Variants in AP3D1 observed in about 807,000 individuals in gnomAD.
The protein encoded by AP3D1 is adaptor related protein complex 3 subunit delta 1.
Under a neutral mutation model 147.6 loss-of-function variants are expected in AP3D1, and 51 were observed. The observed-to-expected ratio is 0.35, with a 90% CI of 0.28 to 0.44. AP3D1 has a LOEUF of 0.44. Among genes scored for constraint, AP3D1 ranks in the 20% least tolerant of loss-of-function variants. The pLI is 1.00. For synonymous variants in AP3D1, 760 were observed against 663.0 expected, an observed-to-expected ratio of 1.15 and a Z score of -2.25; for missense variants, 1,421 against 1,624.2, an observed-to-expected ratio of 0.87 and a Z score of 2.15.
intron 1 of AP3D1, among the ~76,000 whole-genome samples, chr19:2,157,022 C>T (rs1395319002): frequency 1.3e-5 from 2 of 149,144 alleles, no homozygotes; most frequent in East Asian, 4.0e-4. Flanking sequence ...AACAAACATA[C>T]ACCCATCTAT....
At position 2,118,581 on chromosome 19, in the gene AP3D1, CACGGAGTGTT is replaced by C; in HGVS notation, c.1713+10_1713+19del. On this transcript the variant is annotated intron_variant, in intron 15 of 31. Coordinates refer to ENST00000643116, the MANE Select transcript of AP3D1 (RefSeq NM_001261826.3). Reference sequence around the variant, plus strand: ...GAGGGCTCCCTGAGGCTCGGCCCAACACGGAGTGTTGGATCTTACCCGCTCCTGCACCTCC... The same window carrying C: ...GAGGGCTCCCTGAGGCTCGGCCCAACGGATCTTACCCGCTCCTGCACCTCC... 1 of 1,597,732 alleles carries C rather than the reference CACGGAGTGTT, an allele frequency of 6.3e-7. No homozygotes were observed. The highest frequency in any genetic ancestry group is 2.2e-5 in the East Asian group (1 of 44,674).
chr19:2,131,763 C>T lies in AP3D1; in HGVS notation c.462+708G>A, dbSNP rs558182661. Among the ~76,000 whole-genome samples the T allele has an allele frequency of 7.0e-3, 927 of 132,990 alleles. 33 individuals are homozygous for T. Among genetic ancestry groups the T allele is most frequent in the Non-Finnish European group, 8.4e-3 (533 of 63,310 alleles). 87.2% of individuals were successfully genotyped at this position (132,990 alleles called of 152,430 possible). A position where few individuals can be genotyped will look rare whatever the true frequency, so the allele number is the denominator to read the frequency against. Reference sequence around the variant, plus strand: ...CCATCGGCCACGATCTAGACACCTCCGGGCGGACAGGCAGCCACACGGGGA... The same window carrying T: ...CCATCGGCCACGATCTAGACACCTCTGGGCGGACAGGCAGCCACACGGGGA... On this transcript the variant is annotated intron_variant, in intron 5 of 31. Coordinates refer to ENST00000643116, the MANE Select transcript of AP3D1 (RefSeq NM_001261826.3).
intron 1 of AP3D1, among the ~76,000 whole-genome samples, chr19:2,139,214 T>C (rs887749004): frequency 1.3e-5 from 2 of 148,700 alleles, no homozygotes; most frequent in African/African-American, 5.0e-5. Context: ...GACGGGAGGG[T>C]TCGCTTTCTT....
intron 23 of AP3D1, 151 bp from the exon 24 acceptor site, chr19:2,113,118 GCA>G (rs2018334169): frequency 1.5e-6 from 1 of 647,818 alleles, no homozygotes; most frequent in South Asian, 2.0e-5. Flanking sequence ...GAGCCTGTGA[GCA>G]CAGAGGCCCT....
chr19:2,161,754 G>C (rs1270125077), intron 1 of AP3D1, among the ~76,000 whole-genome samples: 1 of 151,930 alleles, frequency 6.6e-6, no homozygotes, highest in African/African-American at 2.4e-5. Context: ...TTCGAGACCA[G>C]CCTGGCCAAC....
At position 2,164,179 on chromosome 19, in the gene AP3D1, G is replaced by T. The variant is rs750782916; in HGVS notation, c.-103+177C>A. 1.9e-5 allele frequency: 23 copies of T among 1,194,516 alleles called. No individual in the cohort carries two copies. In the South Asian group the frequency reaches 2.4e-4, roughly 12 times the overall value. The allele number at this position is 1,194,516 out of a possible 1,614,324, so 74.0% of individuals were successfully genotyped here. The stretch of plus-strand genomic sequence containing the variant: ...CTAGCATGGTGCGGCGGCCGCGCGC[G>T]CGGACATGGGGGAGAAGCTGGAGCT... On this transcript the variant is annotated intron_variant, in intron 1 of 14. Coordinates refer to the AP3D1 transcript ENST00000643010.
At position 2,131,515 on chromosome 19, in the gene AP3D1, C is replaced by CTTCCCAGGGAGGAAAG; in HGVS notation, c.462+955_462+956insCTTTCCTCCCTGGGAA. On this transcript the variant is annotated intron_variant, in intron 5 of 31. Transcript: ENST00000643116. ...GACAGGCAGCCACGAGGGGACAGGGCCCATCGGCCACGATCTAGGCACCCG... is the reference window on the plus strand; with the variant it reads ...GACAGGCAGCCACGAGGGGACAGGGCTTCCCAGGGAGGAAAGCCATCGGCCACGATCTAGGCACCCG... Among the ~76,000 whole-genome samples, 36 of 123,048 alleles carry CTTCCCAGGGAGGAAAG rather than the reference C, an allele frequency of 2.9e-4. 1 individual carries two copies. Among genetic ancestry groups the CTTCCCAGGGAGGAAAG allele is most frequent in the African/African-American group, 1.1e-3 (35 of 32,244 alleles). 80.7% of individuals were successfully genotyped at this position (123,048 alleles called of 152,430 possible).
At chr19:2,145,905 C>T (rs1265385274) in intron 1 of AP3D1, among the ~76,000 whole-genome samples, 1 of 152,202 alleles carries the variant, frequency 6.6e-6, no homozygotes, top group Non-Finnish European at 1.5e-5. Context: ...ATGAGTGAAC[C>T]GCACTCATAA....
At chr19:2,131,377 A>C (rs112181082) in intron 5 of AP3D1, among the ~76,000 whole-genome samples, 4 of 112,380 alleles carry the variant, frequency 3.6e-5, no homozygotes, top group African/African-American at 6.8e-5. Flanking sequence ...TCTAGACACC[A>C]GGTGGACAGG....
At chr19:2,109,586 C>T in intron 29 of AP3D1, 2 of 511,094 alleles carry the variant, frequency 3.9e-6, no homozygotes. Context: ...GGAGAGGCTT[C>T]AGGAGGAGCC....
chr19:2,150,575 T>G (rs1460843653), intron 1 of AP3D1, among the ~76,000 whole-genome samples: 2 of 152,054 alleles, frequency 1.3e-5, no homozygotes, highest in Non-Finnish European at 2.9e-5. Context: ...CCGCTGTCCT[T>G]CCTCCCTCCT....
At chr19:2,133,039 G>C (rs1283108931) in intron 4 of AP3D1, among the ~76,000 whole-genome samples, 2 of 152,160 alleles carry the variant, frequency 1.3e-5, no homozygotes, top group Non-Finnish European at 2.9e-5. Context: ...GGGCCACCCC[G>C]GGTGCAAGAG....
At chr19:2,149,771 A>C (rs1018675501) in intron 1 of AP3D1, among the ~76,000 whole-genome samples, 5 of 152,206 alleles carry the variant, frequency 3.3e-5, no homozygotes, top group Admixed American at 6.5e-5. Flanking sequence ...CAGGCTGCTC[A>C]GTGACATGCG....
At chr19:2,164,010 G>T in intron 1 of AP3D1, 1 of 242,728 alleles carries the variant, frequency 4.1e-6, no homozygotes, top group South Asian at 1.4e-4. Context: ...GAGGGAGTCG[G>T]GGGCCGGGCC....
rs1247751227 is a variant in AP3D1, at chr19:2,109,790, C to CTCTAA, written c.3350+82_3350+83insTTAGA. 6 of 1,329,024 alleles carry CTCTAA rather than the reference C, an allele frequency of 4.5e-6. No homozygotes were observed. In the Admixed American group the frequency reaches 8.5e-5, roughly 19 times the overall value. The allele number at this position is 1,329,024 out of a possible 1,614,324, so 82.3% of individuals were successfully genotyped here. A position where few individuals can be genotyped will look rare whatever the true frequency, so the allele number is the denominator to read the frequency against. ...TCTCTAAAGTCCTGCCCAGAAGCCT[C>CTCTAA]AGTCCCCGGGGCACAGGTGTCTGCA... On this transcript the variant is annotated intron_variant, in intron 29 of 31. Transcript: ENST00000643116.
At chr19:2,143,978 C>A (rs1444030343) in intron 1 of AP3D1, among the ~76,000 whole-genome samples, 1 of 150,968 alleles carries the variant, frequency 6.6e-6, no homozygotes, top group African/African-American at 2.4e-5. Context: ...CCCAGCTACT[C>A]GGGAGGCTGA....
At chr19:2,160,038 A>G (rs2019683366) in intron 1 of AP3D1, among the ~76,000 whole-genome samples, 1 of 150,932 alleles carries the variant, frequency 6.6e-6, no homozygotes, top group Non-Finnish European at 1.5e-5. Flanking sequence ...TTTAGTAGAG[A>G]CGGGGTTTCA....
intron 17 of AP3D1, 99 bp downstream of exon 17, chr19:2,116,506 G>A: frequency 7.0e-7 from 1 of 1,430,448 alleles, no homozygotes; most frequent in Non-Finnish European, 9.2e-7. Flanking sequence ...CACTGCCAGG[G>A]TCAGGGCCAG....
At chr19:2,110,071 G>A (rs537890782) in intron 28 of AP3D1, 65 bp downstream of exon 28, 4 of 1,587,068 alleles carry the variant, frequency 2.5e-6, no homozygotes, top group East Asian at 2.3e-5. Context: ...CACCCACTGC[G>A]ATGGGGCAGG....
Sources: allele counts gnomAD v4.1 joint callset (sites outside exome capture counted in the v4.1 genomes callset), GRCh38; gene constraint gnomAD v4.1.1; transcripts MANE v1.5; gene names NCBI Gene and HGNC (gene_info 2026-07-23, HGNC 2026-07-21).